TSPEAR: variants seen among roughly 807,000 people sequenced by gnomAD.
The protein encoded by TSPEAR is thrombospondin-type laminin G domain and EAR repeat-containing protein.
Under a neutral mutation model 71.6 loss-of-function variants are expected in TSPEAR, and 69 were observed. The ratio of observed to expected loss-of-function variants is 0.96; its 90% CI spans 0.79 to 1.18. TSPEAR has a LOEUF of 1.18. TSPEAR is among the 50% of genes most tolerant of loss of function. TSPEAR has a pLI of 0.00. For missense variants in TSPEAR, 971 were observed against 894.9 expected, an observed-to-expected ratio of 1.09 and a Z score of -1.09; for synonymous variants, 402 against 387.2, an observed-to-expected ratio of 1.04 and a Z score of -0.45.
At chr21:44,646,319 T>G in intron 1 of TSPEAR, 1 of 1,232,430 alleles carries the variant, frequency 8.1e-7, no homozygotes, top group East Asian at 2.5e-5. Context: ...AAGAAAAGCT[T>G]GTGGAGCCTC....
chr21:44,527,745 C>CA (rs1253688555), intron 6 of TSPEAR, among the ~76,000 whole-genome samples: 10 of 152,242 alleles, frequency 6.6e-5, no homozygotes, highest in Admixed American at 2.6e-4. Flanking sequence ...GTGAAGTTTA[C>CA]ATGTTGTGGG....
intron 1 of TSPEAR, among the ~76,000 whole-genome samples, chr21:44,581,764 AATG>A (rs1174422023): frequency 6.6e-6 from 1 of 152,196 alleles, no homozygotes; most frequent in Non-Finnish European, 1.5e-5. Context: ...GGCTCACTGT[AATG>A]ATGTTATGTT....
In TSPEAR at chr21:44,681,940, G is replaced by T. The variant is rs782093104; in HGVS notation, c.82+29493C>A. On this transcript the variant is annotated intron_variant, in intron 1 of 11. Transcript: ENST00000323084. ...CAGGAGGGAGCCGCATACACGACGG[G>T]CCTGCAGCTCACGGGCACGCACACA... 2 of 1,614,014 alleles carry T rather than the reference G, an allele frequency of 1.2e-6. No homozygotes were observed. The highest frequency in any genetic ancestry group is 2.7e-5 in the African/African-American group (2 of 74,912).
At chr21:44,616,175 G>A (rs781899202) in intron 1 of TSPEAR, among the ~76,000 whole-genome samples, 1 of 152,232 alleles carries the variant, frequency 6.6e-6, no homozygotes, top group Non-Finnish European at 1.5e-5. Context: ...GGCCACATCT[G>A]TTCGATGCAG....
chr21:44,613,359 G>A (rs1205577413), intron 1 of TSPEAR, among the ~76,000 whole-genome samples: 1 of 152,272 alleles, frequency 6.6e-6, no homozygotes, highest in Non-Finnish European at 1.5e-5. Context: ...TGGGACTCAC[G>A]GTCACTCCCA....
chr21:44,607,402 C>A (rs587656614), intron 1 of TSPEAR, among the ~76,000 whole-genome samples: 1 of 152,274 alleles, frequency 6.6e-6, no homozygotes, highest in South Asian at 2.1e-4. Flanking sequence ...CAAAACGTCA[C>A]ATTATAGATC....
chr21:44,507,031 A>AG (rs1186192546), intron 10 of TSPEAR: 2 of 152,234 alleles, frequency 1.3e-5, no homozygotes, highest in East Asian at 1.9e-4. Flanking sequence ...AGCCATGAGA[A>AG]GGGGGATGCT....
intron 1 of TSPEAR, chr21:44,592,602 CGA>C (rs1980061926): frequency 6.8e-7 from 1 of 1,466,924 alleles, no homozygotes; most frequent in Non-Finnish European, 9.1e-7. Context: ...TCCGTGTTGC[CGA>C]GAGCTGGAGT....
At chr21:44,511,417 T>C (rs1412646025) in intron 9 of TSPEAR, among the ~76,000 whole-genome samples, 1 of 152,228 alleles carries the variant, frequency 6.6e-6, no homozygotes, top group African/African-American at 2.4e-5. Context: ...TGCATGCCTG[T>C]ACACATGTGG....
In TSPEAR at chr21:44,533,680, C is replaced by T. The variant is rs1555915984; in HGVS notation, c.542+5G>A. On this transcript the variant is annotated splice_donor_5th_base_variant and intron_variant, in intron 3 of 11. Coordinates refer to ENST00000323084, the MANE Select transcript of TSPEAR (RefSeq NM_144991.3). ...CAGGTGCACCCTCCCCGGGTGGGTA[C>T]CTACATGTCCACCGGGAGGCCGCAG... The T allele has an allele frequency of 1.2e-6, 2 of 1,603,114 alleles. No homozygotes were observed. Among genetic ancestry groups the T allele is most frequent in the Admixed American group, 3.3e-5 (2 of 59,814 alleles).
At chr21:44,682,041 A>T (rs1555948138) in intron 1 of TSPEAR, 2 of 1,614,066 alleles carry the variant, frequency 1.2e-6, no homozygotes, top group Admixed American at 1.7e-5. Flanking sequence ...CTGGCAGCCC[A>T]CGGGGATGTA....
intron 1 of TSPEAR, among the ~76,000 whole-genome samples, chr21:44,626,858 G>C (rs1982822482): frequency 6.7e-6 from 1 of 149,722 alleles, no homozygotes; most frequent in Non-Finnish European, 1.5e-5. Context: ...AGCCGTCCTT[G>C]CCTCCAGAAC....
At chr21:44,584,458 A>C (rs1444283314) in intron 1 of TSPEAR, among the ~76,000 whole-genome samples, 1 of 152,316 alleles carries the variant, frequency 6.6e-6, no homozygotes, top group Admixed American at 6.5e-5. Context: ...AAGATTGCTC[A>C]TCACATGGTA....
chr21:44,610,538 G>A (rs1201776658), intron 1 of TSPEAR, among the ~76,000 whole-genome samples: 1 of 152,252 alleles, frequency 6.6e-6, no homozygotes, highest in Non-Finnish European at 1.5e-5. Flanking sequence ...CCAGGCAGAA[G>A]TTTGCTGCAG....
chr21:44,633,162 A>G (rs1469904697), intron 1 of TSPEAR, among the ~76,000 whole-genome samples: 2 of 152,132 alleles, frequency 1.3e-5, no homozygotes, highest in African/African-American at 4.8e-5. Flanking sequence ...TGTTGCTTTC[A>G]AAAAACTAAT....
intron 1 of TSPEAR, among the ~76,000 whole-genome samples, chr21:44,684,184 A>T (rs1986748914): frequency 6.6e-6 from 1 of 152,236 alleles, no homozygotes; most frequent in Admixed American, 6.5e-5. Flanking sequence ...TAAAATGCTG[A>T]GCAACAATAA....
intron 1 of TSPEAR, chr21:44,627,535 C>T: frequency 6.5e-7 from 1 of 1,536,828 alleles, no homozygotes; most frequent in Non-Finnish European, 8.8e-7. Flanking sequence ...TTCGTGCTGC[C>T]AACAGTCTAG....
rs587754696 is a variant in TSPEAR at position 44,550,595 on chromosome 21, C to T, written c.304-16672G>A. 28 of 1,527,978 alleles carry T rather than the reference C, an allele frequency of 1.8e-5. 1 individual carries two copies. In the East Asian group the frequency reaches 5.7e-4, roughly 31 times the overall value. 94.7% of individuals were successfully genotyped at this position (1,527,978 alleles called of 1,614,324 possible). A position where few individuals can be genotyped will look rare whatever the true frequency, so the allele number is the denominator to read the frequency against. On this transcript the variant is annotated intron_variant, in intron 2 of 11. Coordinates refer to ENST00000323084, the MANE Select transcript of TSPEAR (RefSeq NM_144991.3). Reference sequence around the variant, plus strand: ...GCGGCTGTGGCTGGGGCTGCTCCTTCTGTGCTGAGCTGTGCTGAGGCTGGG... The same window carrying T: ...GCGGCTGTGGCTGGGGCTGCTCCTTTTGTGCTGAGCTGTGCTGAGGCTGGG...
At chr21:44,649,538 G>A (rs138562482) in intron 1 of TSPEAR, among the ~76,000 whole-genome samples, 5 of 152,246 alleles carry the variant, frequency 3.3e-5, no homozygotes, top group Non-Finnish European at 7.4e-5. Context: ...TCATACCCAG[G>A]ACGTGCCCAC....
Sources: gnomAD v4.1 joint callset for allele counts (sites outside exome capture counted in the v4.1 genomes callset) on GRCh38, gnomAD v4.1.1 for gene constraint, MANE v1.5 for transcripts, NCBI Gene and HGNC (gene_info 2026-07-23, HGNC 2026-07-21) for gene names.